KIF3A: variants seen among roughly 807,000 people sequenced by gnomAD.
The protein encoded by KIF3A is kinesin family member 3A.
KIF3A carries 27 observed loss-of-function variants against 92.6 expected under a neutral mutation model. The ratio of observed to expected loss-of-function variants is 0.29; its 90% confidence interval spans 0.21 to 0.40. KIF3A has a LOEUF of 0.40. Ranked by LOEUF, KIF3A falls within the 10% of genes least tolerant of loss-of-function variation. The pLI is 1.00. For missense variants in KIF3A, 581 were observed against 872.6 expected (o/e 0.67, Z 4.21); for synonymous variants, 250 against 275.4 (o/e 0.91, Z 0.92).
chr5:132,736,083 T>C (rs959468181), intron 1 of KIF3A, among the ~76,000 whole-genome samples: 13 of 152,238 alleles, frequency 8.5e-5, no homozygotes, highest in African/African-American at 2.4e-4. Flanking sequence ...TCAAATACTC[T>C]TATAGGCTCA....
At chr5:132,713,832 G>T (rs1222691073) in intron 8 of KIF3A, among the ~76,000 whole-genome samples, 1 of 150,726 alleles carries the variant, frequency 6.6e-6, no homozygotes, top group Non-Finnish European at 1.5e-5. Flanking sequence ...ACCCTTGAAG[G>T]CATTATACTA....
At chr5:132,714,534 C>T (rs1753547280) in intron 8 of KIF3A, among the ~76,000 whole-genome samples, 1 of 152,164 alleles carries the variant, frequency 6.6e-6, no homozygotes, top group Non-Finnish European at 1.5e-5. Flanking sequence ...CAAGTAGATA[C>T]TCCATGATTT....
intron 2 of KIF3A, among the ~76,000 whole-genome samples, chr5:132,728,270 T>C (rs952063051): frequency 4.6e-5 from 7 of 152,198 alleles, no homozygotes; most frequent in South Asian, 2.1e-4. Flanking sequence ...GGCACGATCA[T>C]AGCTCACTGC....
Position 132,715,936 on chromosome 5 carries a change from T to G in KIF3A, c.955-5A>C. ...TGCTGGCCCAATATTTGCACACTAT[T>G]GAATTAGAAATATGAAACAAATCAT... On this transcript the variant is annotated splice_region_variant and splice_polypyrimidine_tract_variant and intron_variant, in intron 7 of 18. Coordinates refer to ENST00000403231, the MANE Select transcript of KIF3A (RefSeq NM_001300791.2). 1 of 1,557,144 alleles carries G rather than the reference T, an allele frequency of 6.4e-7. No homozygotes were observed. Among genetic ancestry groups the G allele is most frequent in the Middle Eastern group, 1.7e-4 (1 of 5,798 alleles).
intron 2 of KIF3A, among the ~76,000 whole-genome samples, chr5:132,729,235 A>G (rs567203083): frequency 1.3e-5 from 2 of 152,156 alleles, no homozygotes; most frequent in Non-Finnish European, 2.9e-5. Context: ...TGAAGAACTT[A>G]TTCATGTAAC....
At chr5:132,735,770 T>G (rs1055288304) in intron 1 of KIF3A, among the ~76,000 whole-genome samples, 1 of 152,266 alleles carries the variant, frequency 6.6e-6, no homozygotes, top group Admixed American at 6.5e-5. Flanking sequence ...TTAAAAATTC[T>G]TCAGTGGTTT....
intron 4 of KIF3A, among the ~76,000 whole-genome samples, chr5:132,722,147 T>C (rs1753846248): frequency 6.6e-6 from 1 of 152,248 alleles, no homozygotes; most frequent in African/African-American, 2.4e-5. Context: ...ATGGACATTC[T>C]TCAAACTGAC....
chr5:132,727,580 G>A (rs1754077099), intron 2 of KIF3A, among the ~76,000 whole-genome samples: 1 of 152,164 alleles, frequency 6.6e-6, no homozygotes, highest in Non-Finnish European at 1.5e-5. Flanking sequence ...AAGGGAAGAT[G>A]GATGCAGGCA....
intron 1 of KIF3A, chr5:132,736,831 T>C: frequency 2.3e-6 from 1 of 433,894 alleles, no homozygotes; most frequent in Non-Finnish European, 4.6e-6. Context: ...GCCCCATTAT[T>C]AAGTTCACGA....
At chr5:132,706,671 T>C (rs763445525) in intron 10 of KIF3A, among the ~76,000 whole-genome samples, 2 of 152,172 alleles carry the variant, frequency 1.3e-5, no homozygotes, top group Non-Finnish European at 2.9e-5. Context: ...AGAGATGTCA[T>C]TTAAGCAAGA....
At chr5:132,710,810 T>G in intron 9 of KIF3A, 149 bp downstream of exon 9, 1 of 1,047,062 alleles carries the variant, frequency 9.6e-7, no homozygotes, top group South Asian at 1.7e-5. Context: ...GGAGAAAAAA[T>G]GCAAAGTTAA....
intron 10 of KIF3A, among the ~76,000 whole-genome samples, chr5:132,706,967 G>A (rs1370412039): frequency 2.0e-5 from 3 of 152,104 alleles, no homozygotes; most frequent in Non-Finnish European, 2.9e-5. Flanking sequence ...TTATAGGCAT[G>A]CTTCACTTTA....
chr5:132,736,766 A>G (rs571903135), intron 1 of KIF3A: 1 of 467,890 alleles, frequency 2.1e-6, no homozygotes, highest in African/African-American at 2.0e-5. Context: ...CAACCACTAA[A>G]TAAGCGGCCA....
intron 2 of KIF3A, among the ~76,000 whole-genome samples, chr5:132,730,374 G>A (rs1184941913): frequency 6.6e-6 from 1 of 151,870 alleles, no homozygotes; most frequent in Non-Finnish European, 1.5e-5. Flanking sequence ...GCTGAGGCGA[G>A]AGAATCGCTG....
chr5:132,703,211 G>T, intron 12 of KIF3A, 146 bp from the exon 13 acceptor site: 1 of 721,140 alleles, frequency 1.4e-6, no homozygotes, highest in Non-Finnish European at 2.2e-6. Flanking sequence ...CCACTGTGTA[G>T]TATCGATTTC....
downstream of KIF3A, among the ~76,000 whole-genome samples, chr5:132,690,397 CAA>C (rs947887791): frequency 6.6e-6 from 1 of 151,584 alleles, no homozygotes; most frequent in African/African-American, 2.4e-5. Context: ...TCTTTAAAAA[CAA>C]AGTCATTTGA....
intron 10 of KIF3A, among the ~76,000 whole-genome samples, chr5:132,708,414 T>C (rs1349649617): frequency 6.6e-6 from 1 of 152,188 alleles, no homozygotes; most frequent in Non-Finnish European, 1.5e-5. Context: ...TGTTTTTCTT[T>C]ATTTGGGAGC....
In KIF3A at chr5:132,737,453, G is replaced by C; in HGVS notation, c.-34C>G. The C allele has an allele frequency of 6.3e-7, 1 of 1,599,854 alleles. No homozygotes were observed. Among genetic ancestry groups the C allele is most frequent in the African/African-American group, 1.3e-5 (1 of 74,074 alleles). ...CCTCCCGTGCCCGGCGGACGTCCCCGCCCGGGGTGCAGCCCAGCGACACCG... is the reference window on the plus strand; with the variant it reads ...CCTCCCGTGCCCGGCGGACGTCCCCCCCCGGGGTGCAGCCCAGCGACACCG... On this transcript the variant is annotated 5_prime_UTR_variant, in exon 1 of 19. Transcript: ENST00000403231.
rs1202382750 is a variant in KIF3A, at chr5:132,708,953, G to A, written c.1254C>T (p.Asp418=). The A allele has an allele frequency of 6.5e-7, 1 of 1,550,142 alleles. No individual in the cohort carries two copies. Among genetic ancestry groups the A allele is most frequent in the African/African-American group, 1.4e-5 (1 of 73,006 alleles). Residue 418 remains aspartate (D), a synonymous_variant, in exon 10 of 19, where the codon GAC becomes GAT. Transcript: ENST00000403231. ...GTTTCTCTATGACAGAACATGTGGAGTCTGAACTACTGCTGCTGCTACTGC... is the reference window on the plus strand; with the variant it reads ...GTTTCTCTATGACAGAACATGTGGAATCTGAACTACTGCTGCTGCTACTGC... ...RRGSSSSSSS[D]STCSVIEKPL...
Sources: allele counts gnomAD v4.1 joint callset (sites outside exome capture counted in the v4.1 genomes callset), GRCh38; gene constraint gnomAD v4.1.1; transcripts MANE v1.5; gene names NCBI Gene and HGNC (gene_info 2026-07-23, HGNC 2026-07-21).